Variants in PAK5 observed in about 807,000 individuals in gnomAD.
PAK5 encodes serine/threonine-protein kinase PAK 5.
PAK5 carries 16 observed loss-of-function variants against 65.9 expected under a neutral mutation model. The ratio of observed to expected loss-of-function variants is 0.24; its 90% CI spans 0.16 to 0.37. PAK5 has a LOEUF of 0.37. Among genes scored for constraint, PAK5 ranks in the 10% least tolerant of loss-of-function variants. PAK5 has a pLI of 1.00. For missense variants in PAK5, 785 were observed against 903.9 expected, an observed-to-expected ratio of 0.87 and a Z score of 1.69; for synonymous variants, 371 against 354.9, an observed-to-expected ratio of 1.05 and a Z score of -0.51.
intron 3 of PAK5, among the ~76,000 whole-genome samples, chr20:9,615,138 T>C (rs2046631806): frequency 6.6e-6 from 1 of 152,042 alleles, no homozygotes; most frequent in Non-Finnish European, 1.5e-5. Flanking sequence ...AAAACTAAGG[T>C]GGCAATAAAA....
chr20:9,771,582 A>ATTTTTTTTTTTTTTTTTTTTTTTT (rs545140358), intron 1 of PAK5, among the ~76,000 whole-genome samples: 68 of 109,750 alleles, frequency 6.2e-4, no homozygotes, highest in African/African-American at 2.1e-3. Context: ...CAATTTTTTA[A>ATTTTTTTTTTTTTTTTTTTTTTTT]TTTTTTTTTT....
chr20:9,715,191 A>G (rs911246766), intron 1 of PAK5, among the ~76,000 whole-genome samples: 8 of 152,244 alleles, frequency 5.3e-5, no homozygotes, highest in Middle Eastern at 3.4e-3. Flanking sequence ...ACTCAAACAA[A>G]TTTACAAGAA....
At chr20:9,611,601 G>A (rs1030505825) in intron 3 of PAK5, among the ~76,000 whole-genome samples, 6 of 152,134 alleles carry the variant, frequency 3.9e-5, no homozygotes, top group African/African-American at 7.2e-5. Flanking sequence ...TACTCACCAC[G>A]GAGTTCTCCC....
At chr20:9,750,742 A>G (rs762804418) in intron 1 of PAK5, among the ~76,000 whole-genome samples, 4 of 152,134 alleles carry the variant, frequency 2.6e-5, no homozygotes, top group African/African-American at 4.8e-5. Context: ...AACCTGCCCA[A>G]TGAGGATACA....
chr20:9,663,353 G>T (rs1271930048), intron 2 of PAK5, among the ~76,000 whole-genome samples: 1 of 152,132 alleles, frequency 6.6e-6, no homozygotes. Flanking sequence ...TAATTTCTGT[G>T]CTTGAAGCTG....
intron 3 of PAK5, among the ~76,000 whole-genome samples, chr20:9,609,425 G>A (rs773030909): frequency 1.3e-5 from 2 of 152,178 alleles, no homozygotes; most frequent in Admixed American, 6.5e-5. Context: ...CAGGTCGAGG[G>A]CAAAACATAA....
Position 9,537,444 on chromosome 20 carries a change from C to T in PAK5, c.*2018G>A, listed in dbSNP as rs1027795421. ...ATGCAGTTTCTGCCAATAGTTAGTGCTCACAAAACCTTTTAAGCTACAGTA... is the reference window on the plus strand; with the variant it reads ...ATGCAGTTTCTGCCAATAGTTAGTGTTCACAAAACCTTTTAAGCTACAGTA... On this transcript the variant is annotated 3_prime_UTR_variant, in exon 10 of 10. Coordinates refer to ENST00000353224, the MANE Select transcript of PAK5 (RefSeq NM_177990.4). 4 of 208,148 alleles carry T rather than the reference C, an allele frequency of 1.9e-5. No individual in the cohort carries two copies. The East Asian group carries it at 2.9e-4, about 15-fold the overall frequency. The allele number at this position is 208,148 out of a possible 1,614,324, so 12.9% of individuals were successfully genotyped here.
intron 1 of PAK5, among the ~76,000 whole-genome samples, chr20:9,823,702 G>A (rs1407042616): frequency 6.6e-6 from 1 of 152,084 alleles, no homozygotes; most frequent in East Asian, 1.9e-4. Context: ...AGCAGTGTGA[G>A]AACAGACTAA....
At chr20:9,753,373 C>A (rs1772485686) in intron 1 of PAK5, among the ~76,000 whole-genome samples, 1 of 152,054 alleles carries the variant, frequency 6.6e-6, no homozygotes. Context: ...GCTACTCGAG[C>A]ATATAGTATA....
At chr20:9,760,593 T>C (rs1430835957) in intron 1 of PAK5, among the ~76,000 whole-genome samples, 5 of 150,170 alleles carry the variant, frequency 3.3e-5, no homozygotes, top group Admixed American at 1.3e-4. Flanking sequence ...AAAAAAAAAA[T>C]GTATATTTGA....
chr20:9,664,294 T>C (rs572469262), intron 2 of PAK5, among the ~76,000 whole-genome samples: 3 of 152,306 alleles, frequency 2.0e-5, no homozygotes, highest in Non-Finnish European at 4.4e-5. Flanking sequence ...CCCTAAACTG[T>C]TCAGTGGGTT....
chr20:9,621,728 T>C (rs1322234655), intron 3 of PAK5, among the ~76,000 whole-genome samples: 3 of 152,218 alleles, frequency 2.0e-5, no homozygotes, highest in African/African-American at 7.2e-5. Flanking sequence ...CCACTCCTCC[T>C]GAGAACAGCC....
intron 1 of PAK5, among the ~76,000 whole-genome samples, chr20:9,802,274 T>C (rs1356765112): frequency 6.6e-6 from 1 of 152,104 alleles, no homozygotes; most frequent in Non-Finnish European, 1.5e-5. Context: ...CATGTGAGGT[T>C]AGCTAGGTTG....
chr20:9,558,366 C>G (rs1006741552), intron 6 of PAK5, among the ~76,000 whole-genome samples: 1 of 152,078 alleles, frequency 6.6e-6, no homozygotes, highest in Admixed American at 6.6e-5. Context: ...CCACCCGCCT[C>G]AGCCTCCCAA....
chr20:9,684,086 A>C (rs1370986915), intron 2 of PAK5, among the ~76,000 whole-genome samples: 3 of 152,224 alleles, frequency 2.0e-5, no homozygotes, highest in Non-Finnish European at 4.4e-5. Context: ...TTGGACTATG[A>C]AGTGAATAAG....
chr20:9,815,433 G>A (rs1345270587), intron 1 of PAK5, among the ~76,000 whole-genome samples: 2 of 152,010 alleles, frequency 1.3e-5, no homozygotes, highest in African/African-American at 4.8e-5. Flanking sequence ...GACATTACTG[G>A]GCCATCCCTC....
chr20:9,783,231 C>T (rs903781892), intron 1 of PAK5, among the ~76,000 whole-genome samples: 1 of 152,156 alleles, frequency 6.6e-6, no homozygotes, highest in Non-Finnish European at 1.5e-5. Context: ...CCACCGCACC[C>T]AGCCAAGTTT....
intron 1 of PAK5, among the ~76,000 whole-genome samples, chr20:9,779,197 T>G (rs1297584052): frequency 6.6e-6 from 1 of 152,064 alleles, no homozygotes; most frequent in Non-Finnish European, 1.5e-5. Flanking sequence ...GGAAACCTCT[T>G]CTTTTTAGAG....
chr20:9,570,844 A>G (rs533184144), intron 4 of PAK5, among the ~76,000 whole-genome samples: 82 of 152,334 alleles, frequency 5.4e-4, no homozygotes, highest in African/African-American at 1.8e-3. Flanking sequence ...GCTTTGCACT[A>G]ATTTAGGCCA....
Sources: allele counts gnomAD v4.1 joint callset (sites outside exome capture counted in the v4.1 genomes callset), GRCh38; gene constraint gnomAD v4.1.1; transcripts MANE v1.5; gene names NCBI Gene and HGNC (gene_info 2026-07-23, HGNC 2026-07-21).